Variants in CAMTA1 observed in about 807,000 individuals in gnomAD.
CAMTA1 encodes the protein calmodulin-binding transcription activator 1.
Under a neutral mutation model 170.9 loss-of-function variants are expected in CAMTA1, and 27 were observed. The observed-to-expected ratio is 0.16, with a 90% confidence interval of 0.12 to 0.22. The LOEUF is 0.22. Among genes scored for constraint, CAMTA1 ranks in the 10% least tolerant of loss-of-function variants. The pLI, the probability that CAMTA1 is intolerant of heterozygous loss-of-function variation, is 1.00. For synonymous variants in CAMTA1, 833 were observed against 891.5 expected (o/e 0.93, Z 1.17); for missense variants, 1,619 against 2,217.2 (o/e 0.73, Z 5.42).
intron 11 of CAMTA1, among the ~76,000 whole-genome samples, chr1:7,722,623 A>G (rs759796950): frequency 2.0e-5 from 3 of 152,232 alleles, no homozygotes; most frequent in Admixed American, 6.5e-5. Flanking sequence ...TGAATATACT[A>G]CTATACTATA....
chr1:7,174,202 T>A (rs1245660313), intron 4 of CAMTA1, among the ~76,000 whole-genome samples: 1 of 152,196 alleles, frequency 6.6e-6, no homozygotes, highest in Non-Finnish European at 1.5e-5. Flanking sequence ...GTATTATTCT[T>A]CTGCAGAACT....
chr1:7,411,478 G>T (rs190450071), intron 5 of CAMTA1, among the ~76,000 whole-genome samples: 72 of 146,542 alleles, frequency 4.9e-4, no homozygotes, highest in African/African-American at 1.7e-3. Flanking sequence ...GGCGGAGGTT[G>T]CAGTGAGCCG....
At chr1:7,253,616 A>C (rs1457217115) in intron 5 of CAMTA1, among the ~76,000 whole-genome samples, 1 of 152,170 alleles carries the variant, frequency 6.6e-6, no homozygotes, top group South Asian at 2.1e-4. Flanking sequence ...AAACACATCC[A>C]TGCAAAGTAC....
chr1:7,238,352 C>T (rs940986279), intron 4 of CAMTA1, among the ~76,000 whole-genome samples: 1 of 152,032 alleles, frequency 6.6e-6, no homozygotes, highest in Admixed American at 6.6e-5. Context: ...AGTCCTCTGA[C>T]CTTGAAAATT....
intron 3 of CAMTA1, among the ~76,000 whole-genome samples, chr1:6,920,649 CAG>C (rs1681805882): frequency 6.6e-6 from 1 of 152,252 alleles, no homozygotes; most frequent in Non-Finnish European, 1.5e-5. Flanking sequence ...CCTGGGCATC[CAG>C]GCATTTCCAT....
chr1:6,888,348 A>G, intron 3 of CAMTA1: 1 of 704,440 alleles, frequency 1.4e-6, no homozygotes. Flanking sequence ...AGCCTAGTTC[A>G]GGGTGCTGTG....
chr1:7,214,533 A>AT (rs1659395647), intron 4 of CAMTA1, among the ~76,000 whole-genome samples: 3 of 151,904 alleles, frequency 2.0e-5, no homozygotes, highest in Non-Finnish European at 4.4e-5. Context: ...CTCCTGGCTA[A>AT]TTTTTTGTGT....
At chr1:6,910,092 C>G (rs1679378625) in intron 3 of CAMTA1, among the ~76,000 whole-genome samples, 1 of 152,248 alleles carries the variant, frequency 6.6e-6, no homozygotes, top group Non-Finnish European at 1.5e-5. Context: ...TATATATTGA[C>G]TAGGTGTTTG....
At chr1:6,807,660 C>T (rs1190232831) in intron 1 of CAMTA1, among the ~76,000 whole-genome samples, 1 of 148,738 alleles carries the variant, frequency 6.7e-6, no homozygotes. Context: ...GCGGAGGTTG[C>T]AGTGAGCTGA....
At chr1:6,963,225 C>G (rs1344029166) in intron 3 of CAMTA1, among the ~76,000 whole-genome samples, 1 of 130,718 alleles carries the variant, frequency 7.7e-6, no homozygotes, top group Non-Finnish European at 1.7e-5. Flanking sequence ...AACTACCCAT[C>G]TTTCCTTTAT....
intron 9 of CAMTA1, among the ~76,000 whole-genome samples, chr1:7,667,566 C>A (rs2096012383): frequency 6.6e-6 from 1 of 152,124 alleles, no homozygotes; most frequent in Non-Finnish European, 1.5e-5. Flanking sequence ...GGAGGGTCCC[C>A]TCTTTTCCCG....
intron 1 of CAMTA1, among the ~76,000 whole-genome samples, chr1:6,811,459 C>T (rs1024950266): frequency 3.3e-5 from 5 of 152,118 alleles, no homozygotes; most frequent in African/African-American, 1.2e-4. Context: ...AACTGCTATA[C>T]CTTTCAAATC....
At chr1:7,160,209 A>G (rs1647126611) in intron 4 of CAMTA1, among the ~76,000 whole-genome samples, 1 of 152,180 alleles carries the variant, frequency 6.6e-6, no homozygotes, top group African/African-American at 2.4e-5. Flanking sequence ...AGATCATGCC[A>G]TTGCACTCCA....
At chr1:7,646,801 A>C (rs558465825) in intron 7 of CAMTA1, among the ~76,000 whole-genome samples, 1 of 135,162 alleles carries the variant, frequency 7.4e-6, no homozygotes, top group Non-Finnish European at 1.6e-5. Flanking sequence ...GTGAGTGTGA[A>C]TGGAGGCCCT....
chr1:7,216,005 G>T lies in CAMTA1; in HGVS notation c.303-33486G>T, dbSNP rs1334568177. 2.6e-5 allele frequency among the ~76,000 whole-genome samples: 4 copies of T among 152,130 alleles called. No homozygotes were observed. The highest frequency in any genetic ancestry group is 9.7e-5 in the African/African-American group (4 of 41,402). On this transcript the variant is annotated intron_variant, in intron 4 of 22. Transcript: ENST00000303635. This position sits in a 1 kb window ranked among gnomAD's most constrained non-coding sequence, Gnocchi z 4.0. ...TGCTATGAAGAACTACCTGAGACTGGGTCATTTATAAAGACAAGAAGTTTA... is the reference window on the plus strand; with the variant it reads ...TGCTATGAAGAACTACCTGAGACTGTGTCATTTATAAAGACAAGAAGTTTA...
chr1:6,897,102 G>C (rs1675808551), intron 3 of CAMTA1, among the ~76,000 whole-genome samples: 1 of 152,170 alleles, frequency 6.6e-6, no homozygotes, highest in Non-Finnish European at 1.5e-5. Flanking sequence ...TGTTTGACCA[G>C]AGCTGAAGAT....
intron 5 of CAMTA1, among the ~76,000 whole-genome samples, chr1:7,391,328 AGTGTGT>A (rs35663101): frequency 7.5e-5 from 11 of 147,026 alleles, no homozygotes; most frequent in Non-Finnish European, 1.3e-4. Context: ...CCCTTTACAC[AGTGTGT>A]GTGTGTGTGT....
intron 3 of CAMTA1, among the ~76,000 whole-genome samples, chr1:6,991,767 C>T (rs763068804): frequency 4.6e-5 from 7 of 152,000 alleles, no homozygotes; most frequent in Admixed American, 1.3e-4. Flanking sequence ...GGAGTGATCT[C>T]GGTTTACTGC....
intron 4 of CAMTA1, 135 bp downstream of exon 4, chr1:7,091,506 T>C (rs1195042582): frequency 1.4e-6 from 1 of 695,446 alleles, no homozygotes; most frequent in Non-Finnish European, 2.6e-6. Flanking sequence ...CTTTCGACAC[T>C]GAGGTCTCAT....
Sources: allele counts gnomAD v4.1 joint callset (sites outside exome capture counted in the v4.1 genomes callset), GRCh38; gene constraint gnomAD v4.1.1; non-coding constraint Gnocchi (gnomAD v3.1); transcripts MANE v1.5; gene names NCBI Gene and HGNC (gene_info 2026-07-23, HGNC 2026-07-21).